The following TNNT1 variants were observed in gnomAD, a reference collection of about 807,000 sequenced individuals.
TNNT1 encodes the protein troponin T, slow skeletal muscle.
TNNT1 carries 53 observed loss-of-function variants against 50.6 expected under a neutral mutation model. The ratio of observed to expected loss-of-function variants is 1.05; its 90% CI spans 0.84 to 1.32. TNNT1 has a LOEUF of 1.32. Among genes scored for constraint, TNNT1 ranks in the 40% most tolerant of loss-of-function variants. TNNT1 has a pLI of 0.00. For missense variants in TNNT1, 348 were observed against 381.7 expected (o/e 0.91, Z 0.74); for synonymous variants, 142 against 138.0 (o/e 1.03, Z -0.20).
chr19:55,136,813 C>T (rs1335235196), intron 11 of TNNT1, among the ~76,000 whole-genome samples: 1 of 152,188 alleles, frequency 6.6e-6, no homozygotes, highest in Admixed American at 6.5e-5. Context: ...CAAGGCACAT[C>T]ACGGAGTTAA....
intron 10 of TNNT1, among the ~76,000 whole-genome samples, chr19:55,137,450 C>A (rs955356895): frequency 6.6e-6 from 1 of 151,578 alleles, no homozygotes; most frequent in Non-Finnish European, 1.5e-5. Context: ...CAGACCCTCT[C>A]GCATTAGGAA....
intron 6 of TNNT1, chr19:55,142,188 T>A: frequency 2.5e-6 from 1 of 396,176 alleles, no homozygotes; most frequent in East Asian, 5.7e-5. Context: ...TGGCGCCACC[T>A]CGGCTCACTG....
chr19:55,149,063 A>G (rs1385811253), intron 1 of TNNT1, 98 bp downstream of exon 1: 5 of 446,154 alleles, frequency 1.1e-5, no homozygotes, highest in Non-Finnish European at 2.3e-5. Context: ...CTACCTCTGC[A>G]CCATTTCTCC....
At chr19:55,148,835 T>C (rs1465603095) in intron 1 of TNNT1, among the ~76,000 whole-genome samples, 1 of 151,890 alleles carries the variant, frequency 6.6e-6, no homozygotes, top group African/African-American at 2.4e-5. Flanking sequence ...ACACCCAGAT[T>C]GTTTGACCTC....
chr19:55,148,916 A>T (rs905854934), intron 1 of TNNT1, among the ~76,000 whole-genome samples: 54 of 152,036 alleles, frequency 3.6e-4, no homozygotes, highest in African/African-American at 1.3e-3. Flanking sequence ...AGGAGGTTTT[A>T]TTCTGGGACA....
intron 1 of TNNT1, among the ~76,000 whole-genome samples, chr19:55,147,683 C>CTGAGGGGGGAGGGGCTGGAGGAA: frequency 1.1e-5 from 1 of 90,480 alleles, no homozygotes; most frequent in Admixed American, 1.1e-4. Flanking sequence ...GGGCTGGGGT[C>CTGAGGGGGGAGGGGCTGGAGGAA]TGGACTCCTG....
At chr19:55,134,279 T>C in intron 11 of TNNT1, 75 bp from the exon 12 acceptor site, 1 of 1,428,724 alleles carries the variant, frequency 7.0e-7, no homozygotes, top group East Asian at 2.5e-5. Flanking sequence ...AGCGAGACTG[T>C]GAGTTCAGCG....
chr19:55,148,524 TCA>T (rs2085622646), intron 1 of TNNT1, among the ~76,000 whole-genome samples: 1 of 151,832 alleles, frequency 6.6e-6, no homozygotes, highest in African/African-American at 2.4e-5. Context: ...CAGCAAGTCC[TCA>T]CAGCTCTGGA....
chr19:55,142,546 AT>A (rs112126041), intron 6 of TNNT1, among the ~76,000 whole-genome samples: 28,425 of 138,288 alleles, frequency 0.21, 3,224 homozygotes, highest in African/African-American at 0.4. Context: ...CCTAGTAAGA[AT>A]TTTTTTTTTT....
Position 55,145,561 on chromosome 19 carries a change from C to A in TNNT1, c.111G>T (p.Glu37Asp). The change falls in exon 6 of 14, where the codon GAG becomes GAT. Residue 37 changes from glutamate to aspartate, a missense_variant. Around this residue, in one of 3 missense-constraint regions of TNNT1, gnomAD observed 90 missense variants for 70.8 expected, o/e 1.27. Coordinates refer to ENST00000588981, the MANE Select transcript of TNNT1 (RefSeq NM_003283.6). Reference protein sequence around the residue: ...EEPEPVAEPEEERPKPSRPVV... With the variant: ...EEPEPVAEPEDERPKPSRPVV... ...GATCTCACCTTGGTTTGGGGCGTTC[C>A]TCTTCTGTTGGTGGTGGGGGATAAA... is the stretch of plus-strand genomic sequence containing the variant. The A allele has an allele frequency of 1.2e-6, 2 of 1,613,742 alleles. No homozygotes were observed. The highest frequency in any genetic ancestry group is 1.7e-6 in the Non-Finnish European group (2 of 1,179,820).
Position 55,132,930 on chromosome 19 carries a change from T to A in TNNT1, c.822A>T (p.Gly274=). 1 of 1,603,774 alleles carries A rather than the reference T, an allele frequency of 6.2e-7. No homozygotes were observed. Among genetic ancestry groups the A allele is most frequent in the Non-Finnish European group, 8.5e-7 (1 of 1,176,300 alleles). Residue 274 remains glycine (G), a synonymous_variant, in exon 14 of 14, where the codon GGA becomes GGT. Transcript: ENST00000588981. ...FRKGAGKGRV[G]GRWK is the part of the protein sequence containing the mutation. ...GGCGGCATCCTCACTTCCAGCGGCC[T>A]CCAACGCGGCCCTTCCCTGCCCCCT...
intron 6 of TNNT1, among the ~76,000 whole-genome samples, chr19:55,145,131 A>T (rs1386320298): frequency 1.4e-5 from 1 of 71,362 alleles, no homozygotes; most frequent in Non-Finnish European, 3.2e-5. Context: ...TCATCTCTAC[A>T]AAAAGAAAAA....
Position 55,134,195 on chromosome 19 carries a change from A to G in TNNT1, c.621T>C (p.Ser207=), listed in dbSNP as rs753624433. 1.9e-6 allele frequency: 3 copies of G among 1,575,690 alleles called. No homozygotes were observed. The South Asian group carries it at 3.5e-5, about 18-fold the overall frequency. ...YMGEEQLRAR[S]AWLPPSQPSC... ...AGGGCTGTGATGGAGGCAGCCAGGC[A>G]GACCGGGCCCTAGGCCCAGGGACGG... The change falls in exon 12 of 14, where the codon TCT becomes TCC. Residue 207 remains serine, a synonymous_variant. Coordinates refer to ENST00000588981, the MANE Select transcript of TNNT1 (RefSeq NM_003283.6).
Position 55,137,677 on chromosome 19 carries a change from A to G in TNNT1, c.501+284T>C, listed in dbSNP as rs7259168. On this transcript the variant is annotated intron_variant, in intron 10 of 13. Transcript: ENST00000588981. ...CCCAGACCCTCTCGCATTAGGAACC[A>G]GAAGTCTGGCCCCCAGCCCCTCCTC... Among the ~76,000 whole-genome samples, 614 of 134,276 alleles carry G rather than the reference A, an allele frequency of 4.6e-3. No individual in the cohort carries two copies. Among genetic ancestry groups the G allele is most frequent in the African/African-American group, 0.017 (580 of 34,094 alleles). 88.1% of individuals were successfully genotyped at this position (134,276 alleles called of 152,430 possible).
In TNNT1 at chr19:55,137,957, T is replaced by C; in HGVS notation, c.501+4A>G. ...AGACCTCAGGCTCCTGCAGGCTGAC[T>C]CACCTTGACCAGGTAGCCGCCAAAA... On this transcript the variant is annotated splice_donor_region_variant and intron_variant, in intron 10 of 13. Transcript: ENST00000588981. 1 of 1,614,102 alleles carries C rather than the reference T, an allele frequency of 6.2e-7. No homozygotes were observed. Among genetic ancestry groups the C allele is most frequent in the African/African-American group, 1.3e-5 (1 of 75,036 alleles).
chr19:55,147,893 C>G (rs2560946), intron 1 of TNNT1: 113,973 of 152,072 alleles, frequency 0.75, 42,399 homozygotes, highest in African/African-American at 0.84. Flanking sequence ...GAGGGAGGAG[C>G]GGGCTGGGGG....
At chr19:55,145,367 G>GGAGGAGGGA (rs1286346745) in intron 6 of TNNT1, 177 bp downstream of exon 6, 9 of 671,596 alleles carry the variant, frequency 1.3e-5, no homozygotes, top group African/African-American at 1.3e-4. Flanking sequence ...GGAGGAGGGA[G>GGAGGAGGGA]GAGGAGGGAG....
intron 12 of TNNT1, 23 bp downstream of exon 12, chr19:55,134,043 C>T (rs767510624): frequency 5.6e-6 from 9 of 1,612,876 alleles, no homozygotes; most frequent in Non-Finnish European, 7.6e-6. Context: ...CTCTCCCTCC[C>T]TCCCTGCGGA....
chr19:55,134,377 T>C (rs1476952161), intron 11 of TNNT1, among the ~76,000 whole-genome samples, 173 bp from the exon 12 acceptor site: 1 of 151,998 alleles, frequency 6.6e-6, no homozygotes, highest in Non-Finnish European at 1.5e-5. Context: ...GCTCTCGCAT[T>C]TCCCAAGGGG....
Sources: allele counts gnomAD v4.1 joint callset (sites outside exome capture counted in the v4.1 genomes callset), GRCh38; gene constraint gnomAD v4.1.1; regional missense constraint gnomAD v4.1.1; transcripts MANE v1.5; gene names NCBI Gene and HGNC (gene_info 2026-07-23, HGNC 2026-07-21).